Variants in PTPRO observed in about 807,000 individuals in gnomAD.
PTPRO encodes protein tyrosine phosphatase receptor type O.
In PTPRO, 62 loss-of-function variants were observed where a neutral mutation model predicts 145.2. The observed-to-expected ratio is 0.43, with a 90% CI of 0.35 to 0.53. PTPRO has a LOEUF of 0.53. Ranked by LOEUF, PTPRO falls within the 20% of genes least tolerant of loss-of-function variation. PTPRO has a pLI of 0.01. For synonymous variants in PTPRO, 565 were observed against 514.7 expected (o/e 1.10, Z -1.32); for missense variants, 1,345 against 1,482.7 (o/e 0.91, Z 1.53).
At chr12:15,438,918 C>A (rs1483928577) in intron 1 of PTPRO, among the ~76,000 whole-genome samples, 1 of 152,126 alleles carries the variant, frequency 6.6e-6, no homozygotes, top group Non-Finnish European at 1.5e-5. Context: ...CATGTAGTCA[C>A]CAGATTGAGC....
chr12:15,482,555 G>A (rs1021212479), intron 1 of PTPRO, among the ~76,000 whole-genome samples: 5 of 152,120 alleles, frequency 3.3e-5, no homozygotes, highest in Non-Finnish European at 4.4e-5. Flanking sequence ...AATGATAAAT[G>A]TTTGATGTGG....
intron 1 of PTPRO, among the ~76,000 whole-genome samples, chr12:15,356,084 T>A (rs564117113): frequency 6.6e-6 from 1 of 152,338 alleles, no homozygotes; most frequent in East Asian, 1.9e-4. Flanking sequence ...TAGCCTTTTA[T>A]TTTTTGGTGT....
chr12:15,582,371 G>A (rs1251158218), intron 23 of PTPRO, among the ~76,000 whole-genome samples: 1 of 152,248 alleles, frequency 6.6e-6, no homozygotes, highest in Admixed American at 6.5e-5. Context: ...GAAGTGCTGG[G>A]AGACCAACCC....
chr12:15,454,590 T>C (rs975032270), intron 1 of PTPRO, among the ~76,000 whole-genome samples: 4 of 152,218 alleles, frequency 2.6e-5, no homozygotes, highest in South Asian at 2.1e-4. Context: ...GTTGTCTATA[T>C]AGTCTGTTGT....
At chr12:15,425,832 A>G (rs755769896) in intron 1 of PTPRO, among the ~76,000 whole-genome samples, 15 of 152,120 alleles carry the variant, frequency 9.9e-5, no homozygotes, top group South Asian at 2.1e-4. Flanking sequence ...ACTTTTTAGC[A>G]TTGAAATTGA....
chr12:15,483,884 C>T (rs999922832), intron 1 of PTPRO, 90 bp from the exon 2 acceptor site: 6 of 1,388,874 alleles, frequency 4.3e-6, no homozygotes, highest in African/African-American at 4.3e-5. Flanking sequence ...TTATGATACA[C>T]AACAATATGT....
chr12:15,517,755 G>A (rs542088878), intron 9 of PTPRO, among the ~76,000 whole-genome samples: 173 of 152,302 alleles, frequency 1.1e-3, no homozygotes, highest in Middle Eastern at 3.4e-3. Flanking sequence ...CTTTGACTCC[G>A]TGTCTCACAT....
At chr12:15,356,274 C>G (rs898710737) in intron 1 of PTPRO, among the ~76,000 whole-genome samples, 2 of 152,010 alleles carry the variant, frequency 1.3e-5, no homozygotes, top group Non-Finnish European at 2.9e-5. Context: ...TGTCTTGGAG[C>G]AAGAAATGCT....
intron 20 of PTPRO, 92 bp downstream of exon 20, chr12:15,579,035 A>AC: frequency 8.8e-7 from 1 of 1,138,106 alleles, no homozygotes; most frequent in South Asian, 1.3e-5. Context: ...CTCTGGCCAT[A>AC]CCCACTTGTG....
intron 2 of PTPRO, among the ~76,000 whole-genome samples, chr12:15,494,549 C>G (rs1284389657): frequency 6.6e-6 from 1 of 152,190 alleles, no homozygotes; most frequent in East Asian, 1.9e-4. Context: ...GAATACTCCT[C>G]AGTGATGCTT....
chr12:15,455,044 G>T (rs984325221), intron 1 of PTPRO, among the ~76,000 whole-genome samples: 3 of 151,974 alleles, frequency 2.0e-5, no homozygotes, highest in Non-Finnish European at 4.4e-5. Flanking sequence ...GATTGCTTTG[G>T]CTATTCAGAA....
At chr12:15,405,655 T>C (rs1308274167) in intron 1 of PTPRO, among the ~76,000 whole-genome samples, 2 of 152,228 alleles carry the variant, frequency 1.3e-5, no homozygotes, top group Admixed American at 6.5e-5. Flanking sequence ...TCTAGGACCA[T>C]CTTTATTCCC....
At chr12:15,452,632 C>G (rs1458586441) in intron 1 of PTPRO, among the ~76,000 whole-genome samples, 1 of 152,046 alleles carries the variant, frequency 6.6e-6, no homozygotes, top group Non-Finnish European at 1.5e-5. Context: ...AACAGTATAT[C>G]AAAAAGATAA....
intron 8 of PTPRO, 54 bp from the exon 9 acceptor site, chr12:15,516,709 C>T: frequency 6.7e-7 from 1 of 1,492,006 alleles, no homozygotes; most frequent in East Asian, 2.3e-5. Context: ...GAGGCCATTG[C>T]TAAGACATTC....
intron 11 of PTPRO, 82 bp downstream of exon 11, chr12:15,525,047 T>C: frequency 6.6e-7 from 1 of 1,520,164 alleles, no homozygotes; most frequent in Non-Finnish European, 9.1e-7. Flanking sequence ...AATCATTTAT[T>C]GACACGTCAA....
chr12:15,526,327 A>T, intron 12 of PTPRO, 65 bp downstream of exon 12: 1 of 1,590,594 alleles, frequency 6.3e-7, no homozygotes, highest in Admixed American at 1.7e-5. Context: ...CGATTCAGCA[A>T]GAGCTCCTCA....
chr12:15,360,089 T>C (rs970444071), intron 1 of PTPRO, among the ~76,000 whole-genome samples: 1 of 152,198 alleles, frequency 6.6e-6, no homozygotes, highest in African/African-American at 2.4e-5. Flanking sequence ...TACCATCAAA[T>C]GTGGGCCCTT....
chr12:15,462,423 C>T (rs1441918789), intron 1 of PTPRO, among the ~76,000 whole-genome samples: 1 of 152,114 alleles, frequency 6.6e-6, no homozygotes, highest in Admixed American at 6.5e-5. Flanking sequence ...ACCACACCTG[C>T]CCTTGCTCAT....
chr12:15,574,446 A>T (rs1051609081), intron 19 of PTPRO, among the ~76,000 whole-genome samples: 1 of 152,232 alleles, frequency 6.6e-6, no homozygotes, highest in South Asian at 2.1e-4. Context: ...GTGTTTGATC[A>T]GGATACTAGT....
Sources: gnomAD v4.1 joint callset for allele counts (sites outside exome capture counted in the v4.1 genomes callset) on GRCh38, gnomAD v4.1.1 for gene constraint, MANE v1.5 for transcripts, NCBI Gene and HGNC (gene_info 2026-07-23, HGNC 2026-07-21) for gene names.